FMN1: variants seen among roughly 807,000 people sequenced by gnomAD.
The protein encoded by FMN1 is formin-1.
Under a neutral mutation model 132.4 loss-of-function variants are expected in FMN1, and 110 were observed. The observed-to-expected ratio is 0.83, with a 90% CI of 0.71 to 0.97. FMN1 has a LOEUF of 0.97. Among genes scored for constraint, FMN1 ranks in the 50% least tolerant of loss-of-function variants. The probability of loss-of-function intolerance (pLI) is 0.00; values close to 1 mark genes in which losing one functional copy is unlikely to be tolerated. For synonymous variants in FMN1, 722 were observed against 651.7 expected (o/e 1.11, Z -1.64); for missense variants, 1,792 against 1,705.3 (o/e 1.05, Z -0.90).
At chr15:32,981,008 T>C (rs1287295907) in intron 7 of FMN1, among the ~76,000 whole-genome samples, 3 of 151,624 alleles carry the variant, frequency 2.0e-5, no homozygotes, top group Non-Finnish European at 4.4e-5. Flanking sequence ...AGTGAAACTG[T>C]GTCTCAAAAA....
intron 6 of FMN1, among the ~76,000 whole-genome samples, chr15:33,033,952 T>C (rs552642374): frequency 1.3e-5 from 2 of 152,262 alleles, no homozygotes; most frequent in African/African-American, 4.8e-5. Context: ...CCTGCCTCAC[T>C]GGAGGCTTTC....
intron 6 of FMN1, among the ~76,000 whole-genome samples, chr15:33,050,890 G>A (rs2036936416): frequency 6.6e-6 from 1 of 152,226 alleles, no homozygotes; most frequent in Non-Finnish European, 1.5e-5. Context: ...ATGAGGAAGA[G>A]GGAGAGTGCC....
At chr15:32,854,031 A>T (rs36000786) in intron 17 of FMN1, among the ~76,000 whole-genome samples, 28,791 of 152,270 alleles carry the variant, frequency 0.19, 3,496 homozygotes, top group Non-Finnish European at 0.26. Flanking sequence ...CACACTCAAG[A>T]AGTAGAAGAA....
intron 9 of FMN1, among the ~76,000 whole-genome samples, chr15:32,954,325 C>G (rs1365216939): frequency 6.6e-6 from 1 of 152,174 alleles, no homozygotes; most frequent in Non-Finnish European, 1.5e-5. Context: ...ACAGCTCTAT[C>G]CATCTGATTA....
intron 4 of FMN1, among the ~76,000 whole-genome samples, chr15:33,129,601 G>C (rs1452983975): frequency 6.6e-6 from 1 of 152,066 alleles, no homozygotes; most frequent in African/African-American, 2.4e-5. Context: ...ACCATCCACT[G>C]TCGTGGGTGT....
Position 33,153,802 on chromosome 15 carries a change from G to A in FMN1, c.1113C>T (p.Leu371=), listed in dbSNP as rs1344462080. The A allele has an allele frequency of 6.5e-7, 1 of 1,536,368 alleles. No individual in the cohort carries two copies. ...CCCCAGCCTCAGCTCCCGGGAGGGT[G>A]AGCAAGTCGGCTTTGGGTACAAACT... The part of the protein sequence containing the change: ...HAEFVPKADL[L]TLPGAEAGAH... The change falls in exon 4 of 21, where the codon CTC becomes CTT. Residue 371 remains leucine (L), a synonymous_variant. Coordinates refer to ENST00000616417, the MANE Select transcript of FMN1 (RefSeq NM_001277313.2).
intron 4 of FMN1, among the ~76,000 whole-genome samples, chr15:33,142,046 GAT>G (rs924723184): frequency 3.3e-5 from 5 of 152,140 alleles, no homozygotes; most frequent in African/African-American, 9.7e-5. Context: ...ATAATTTTCA[GAT>G]ATGTTTCCAT....
intron 4 of FMN1, among the ~76,000 whole-genome samples, chr15:33,123,813 C>T (rs1409922300): frequency 2.0e-5 from 3 of 152,184 alleles, no homozygotes; most frequent in Admixed American, 6.5e-5. Context: ...AGAAATCCAA[C>T]TAAACTGGCT....
chr15:32,920,906 A>C (rs1400790159), intron 10 of FMN1, among the ~76,000 whole-genome samples: 4 of 152,202 alleles, frequency 2.6e-5, no homozygotes, highest in Non-Finnish European at 5.9e-5. Flanking sequence ...CATCTGAACA[A>C]ACACAATCCC....
chr15:32,866,825 T>A (rs1287156615), intron 16 of FMN1, among the ~76,000 whole-genome samples: 5 of 152,158 alleles, frequency 3.3e-5, no homozygotes, highest in African/African-American at 9.7e-5. Context: ...CTTGACTACT[T>A]CTCCTTTGTA....
At chr15:32,879,387 G>A (rs1381458445) in intron 16 of FMN1, among the ~76,000 whole-genome samples, 1 of 152,166 alleles carries the variant, frequency 6.6e-6, no homozygotes, top group Admixed American at 6.5e-5. Flanking sequence ...TGTGAAGGAG[G>A]AAAGAGCTAA....
intron 17 of FMN1, 22 bp from the exon 18 acceptor site, chr15:32,804,354 TA>T (rs755930522): frequency 1.3e-6 from 2 of 1,518,496 alleles, no homozygotes; most frequent in Admixed American, 2.0e-5. Context: ...AAATCATGAT[TA>T]AAAATTTTTT....
intron 6 of FMN1, among the ~76,000 whole-genome samples, chr15:33,050,459 C>T (rs2036917940): frequency 6.6e-6 from 1 of 151,902 alleles, no homozygotes; most frequent in African/African-American, 2.4e-5. Context: ...ACCTCATTTT[C>T]AAAAGGACCA....
chr15:32,798,827 C>T lies in FMN1; in HGVS notation c.4107G>A (p.Glu1369=), dbSNP rs748606823. 4 of 1,613,070 alleles carry T rather than the reference C, an allele frequency of 2.5e-6. No individual in the cohort carries two copies. The East Asian group carries it at 8.9e-5, about 36-fold the overall frequency. The part of the protein sequence containing the change: ...CSDFKTIWKR[E]SKNISKERLK... Reference sequence around the variant, plus strand: ...ACCTTTCTTTAGATATGTTTTTACTCTCCCGTTTCCAAATTGTCTTGAAGT... The same window carrying T: ...ACCTTTCTTTAGATATGTTTTTACTTTCCCGTTTCCAAATTGTCTTGAAGT... The change falls in exon 19 of 21, where the codon GAG becomes GAA. Residue 1369 remains glutamate (E), a synonymous_variant. Transcript: ENST00000616417.
chr15:32,946,243 C>T (rs551310819), intron 9 of FMN1, among the ~76,000 whole-genome samples: 3 of 152,238 alleles, frequency 2.0e-5, no homozygotes, highest in South Asian at 2.1e-4. Flanking sequence ...GAAGCAAGTG[C>T]GTATCATACA....
intron 7 of FMN1, among the ~76,000 whole-genome samples, chr15:32,981,362 G>C (rs559512584): frequency 1.5e-4 from 23 of 151,426 alleles, no homozygotes; most frequent in African/African-American, 5.6e-4. Flanking sequence ...CGCGGTGGCA[G>C]GCACTTGTAG....
intron 9 of FMN1, among the ~76,000 whole-genome samples, chr15:32,939,251 C>T (rs2061348399): frequency 6.6e-6 from 1 of 152,186 alleles, no homozygotes; most frequent in South Asian, 2.1e-4. Flanking sequence ...GCACAGCTAA[C>T]CGAATTTTTA....
At chr15:32,830,857 G>C (rs1385234823) in intron 17 of FMN1, among the ~76,000 whole-genome samples, 3 of 152,168 alleles carry the variant, frequency 2.0e-5, no homozygotes, top group Admixed American at 6.5e-5. Context: ...TGTTCAAGTA[G>C]TGCAAATGAC....
At chr15:32,915,929 T>TAC (rs2060674040) in intron 10 of FMN1, among the ~76,000 whole-genome samples, 1 of 152,242 alleles carries the variant, frequency 6.6e-6, no homozygotes, top group Admixed American at 6.5e-5. Context: ...TAGATTCCTT[T>TAC]ACCTTTAAAA....
Sources: allele counts gnomAD v4.1 joint callset (sites outside exome capture counted in the v4.1 genomes callset), GRCh38; gene constraint gnomAD v4.1.1; transcripts MANE v1.5; gene names NCBI Gene and HGNC (gene_info 2026-07-23, HGNC 2026-07-21).